Variants in CFAP74 observed in about 807,000 individuals in gnomAD.
The protein encoded by CFAP74 is cilia- and flagella-associated protein 74.
CFAP74 carries 124 observed loss-of-function variants against 188.9 expected under a neutral mutation model. The ratio of observed to expected loss-of-function variants is 0.66; its 90% CI spans 0.57 to 0.76. The LOEUF is 0.76. Among genes scored for constraint, CFAP74 ranks in the 30% least tolerant of loss-of-function variants. The pLI, the probability that CFAP74 is intolerant of heterozygous loss-of-function variation, is 0.00. For missense variants in CFAP74, 2,198 were observed against 2,165.2 expected (o/e 1.02, Z -0.30); for synonymous variants, 956 against 916.7 (o/e 1.04, Z -0.77).
rs368807816 is a variant in CFAP74, at chr1:1,922,648, C to T, written c.4759G>A (p.Val1587Met). 9.4e-6 allele frequency: 15 copies of T among 1,603,278 alleles called. No individual in the cohort carries two copies. Among genetic ancestry groups the T allele is most frequent in the East Asian group, 6.8e-5 (3 of 44,228 alleles). The change falls in exon 38 of 39, where the codon GTG becomes ATG. Residue 1587 changes from valine (V) to methionine (M), a missense_variant. Transcript: ENST00000682832. The stretch of plus-strand genomic sequence containing the variant: ...ATGGTCTTCGTCTGGCCGCGCTCCA[C>T]GGAGCCCCTGGAGGGCTCAATAGAG... Reference protein sequence around the residue: ...GFSIEPSRGSVERGQTKTISI... With the variant: ...GFSIEPSRGSMERGQTKTISI...
intron 1 of CFAP74, among the ~76,000 whole-genome samples, chr1:2,003,133 T>A (rs1052107551): frequency 6.6e-5 from 10 of 152,162 alleles, no homozygotes; most frequent in Non-Finnish European, 1.5e-4. Context: ...GATGTTCGAT[T>A]TATAACCAAT....
intron 18 of CFAP74, among the ~76,000 whole-genome samples, chr1:1,949,403 G>A (rs561841408): frequency 3.3e-5 from 5 of 152,110 alleles, no homozygotes; most frequent in Admixed American, 6.6e-5. Flanking sequence ...CAAGTGATCC[G>A]CTTGGCCTCC....
chr1:1,941,334 C>T (rs1446174969), intron 22 of CFAP74, among the ~76,000 whole-genome samples: 5 of 152,294 alleles, frequency 3.3e-5, no homozygotes, highest in South Asian at 2.1e-4. Context: ...ACCTTGGTCC[C>T]GGCCCGGATG....
chr1:1,972,860 A>G (rs1656185914), intron 8 of CFAP74, 77 bp downstream of exon 8: 2 of 952,808 alleles, frequency 2.1e-6, no homozygotes, highest in African/African-American at 3.3e-5. Flanking sequence ...AAATAATAAA[A>G]TCAGGGCATT....
rs879394559 is a variant in CFAP74, at chr1:1,930,206, G to C, written c.3142C>G (p.Leu1048Val). 17 of 1,535,620 alleles carry C rather than the reference G, an allele frequency of 1.1e-5. No homozygotes were observed. Among genetic ancestry groups the C allele is most frequent in the Non-Finnish European group, 1.5e-5 (17 of 1,146,752 alleles). Residue 1048 changes from leucine to valine, a missense_variant, in exon 26 of 39, where the codon CTG becomes GTG. Transcript: ENST00000682832. ...GAGTGGGTCGGTGAGCTCATGCTCA[G>C]GTGAGAGTTGATGACGTACACTGTA... ...VATVYVINSH[L>V]SMSSPTHSKP...
At position 1,955,285 on chromosome 1, in the gene CFAP74, C is replaced by T. The variant is rs753828884; in HGVS notation, c.2176+406G>A. The T allele has an allele frequency of 6.4e-5, 83 of 1,295,356 alleles. 2 individuals are homozygous for T. In the South Asian group the frequency reaches 1.0e-3, roughly 16 times the overall value. 80.2% of individuals were successfully genotyped at this position (1,295,356 alleles called of 1,614,324 possible). A position where few individuals can be genotyped will look rare whatever the true frequency, so the allele number is the denominator to read the frequency against. The stretch of plus-strand genomic sequence containing the variant: ...TGCAGGGCAGGAGGCATGGGGAGGG[C>T]AGGGCCCGCCCGTTTCTCGGCACCT... On this transcript the variant is annotated intron_variant, in intron 18 of 38. Coordinates refer to ENST00000682832, the MANE Select transcript of CFAP74 (RefSeq NM_001304360.2).
intron 18 of CFAP74, chr1:1,955,188 C>T: frequency 7.8e-7 from 1 of 1,287,852 alleles, no homozygotes; most frequent in South Asian, 1.2e-5. Flanking sequence ...GTTTCTGGAT[C>T]TCGATGCGTA....
At chr1:1,959,307 G>C in intron 15 of CFAP74, 98 bp from the exon 16 acceptor site, 4 of 795,052 alleles carry the variant, frequency 5.0e-6, no homozygotes, top group Non-Finnish European at 6.2e-6. Context: ...GCCAGGCTGG[G>C]GTGCAGTGGC....
rs371435003 is a variant in CFAP74 at position 1,942,114 on chromosome 1, C to T, written c.2529G>A (p.Glu843=). Residue 843 remains glutamate, a synonymous_variant, in exon 22 of 39, where the codon GAG becomes GAA. Transcript: ENST00000682832. The surrounding 1 kb of genome is among the most constrained non-coding windows in gnomAD (Gnocchi z 4.3). ...GCAGGAGCTCCAGGTGGGCCCTCAGCTCCTTGCACACCTCGAACTTCAGGC... is the reference window on the plus strand; with the variant it reads ...GCAGGAGCTCCAGGTGGGCCCTCAGTTCCTTGCACACCTCGAACTTCAGGC... ...ALRLKFEVCK[E]LRAHLELLPK... is the part of the protein sequence containing the mutation. 1.0e-5 allele frequency: 16 copies of T among 1,531,336 alleles called. No homozygotes were observed. The African/African-American group carries it at 2.2e-4, about 21-fold the overall frequency. The allele number at this position is 1,531,336 out of a possible 1,614,324, so 94.9% of individuals were successfully genotyped here. A position where few individuals can be genotyped will look rare whatever the true frequency, so the allele number is the denominator to read the frequency against.
intron 14 of CFAP74, among the ~76,000 whole-genome samples, chr1:1,962,359 C>T (rs887365167): frequency 3.3e-5 from 5 of 151,438 alleles, no homozygotes; most frequent in South Asian, 2.1e-4. Flanking sequence ...GCCTGTTATC[C>T]GAGCTACTCA....
chr1:1,962,624 C>T (rs982963029), intron 14 of CFAP74, among the ~76,000 whole-genome samples: 16 of 152,222 alleles, frequency 1.1e-4, no homozygotes, highest in African/African-American at 3.4e-4. Flanking sequence ...GGGGCTCACA[C>T]CTGTAATCCC....
At chr1:1,961,833 A>T (rs377355640) in intron 14 of CFAP74, among the ~76,000 whole-genome samples, 20 of 152,206 alleles carry the variant, frequency 1.3e-4, no homozygotes, top group Non-Finnish European at 2.9e-4. Flanking sequence ...CTGACCTAAA[A>T]TCAGCTCCCC....
intron 5 of CFAP74, among the ~76,000 whole-genome samples, 166 bp downstream of exon 5, chr1:1,986,771 C>A (rs1229271954): frequency 1.3e-5 from 2 of 152,244 alleles, no homozygotes; most frequent in Admixed American, 1.3e-4. Flanking sequence ...CAGGCCCCAG[C>A]AGTGCCGACC....
At chr1:1,971,177 AC>A (rs1445980129) in intron 9 of CFAP74, among the ~76,000 whole-genome samples, 1 of 151,418 alleles carries the variant, frequency 6.6e-6, no homozygotes, top group African/African-American at 2.4e-5. Context: ...GCACACCTGC[AC>A]ACACGTGCAC....
chr1:1,957,736 A>T (rs1025880063), intron 16 of CFAP74, among the ~76,000 whole-genome samples: 103 of 151,022 alleles, frequency 6.8e-4, no homozygotes, highest in African/African-American at 2.5e-3. Context: ...TCCCAGGCTG[A>T]GCAGGAGGGA....
intron 13 of CFAP74, among the ~76,000 whole-genome samples, chr1:1,964,423 C>T (rs1208938536): frequency 6.6e-6 from 1 of 152,248 alleles, no homozygotes; most frequent in Non-Finnish European, 1.5e-5. Context: ...CCTCTCCCTC[C>T]ACCTCCTGGA....
intron 23 of CFAP74, among the ~76,000 whole-genome samples, chr1:1,940,105 C>G (rs1488184533): frequency 1.3e-5 from 2 of 152,242 alleles, no homozygotes; most frequent in Non-Finnish European, 2.9e-5. Flanking sequence ...GGGACACAGC[C>G]CTGCTGGCCT....
chr1:1,929,684 G>A (rs921903550), intron 26 of CFAP74, among the ~76,000 whole-genome samples: 13 of 151,840 alleles, frequency 8.6e-5, no homozygotes, highest in Non-Finnish European at 1.8e-4. Context: ...GGGTGGGAGT[G>A]GCCGACACCT....
rs188619275 is a variant in CFAP74, at chr1:1,935,261, C to T, written c.3011+3594G>A. Among the ~76,000 whole-genome samples, 2 of 81,528 alleles carry T rather than the reference C, an allele frequency of 2.5e-5. 1 individual carries two copies. The highest frequency in any genetic ancestry group is 5.0e-5 in the Non-Finnish European group (2 of 39,824). 53.5% of individuals were successfully genotyped at this position (81,528 alleles called of 152,430 possible). On this transcript the variant is annotated intron_variant, in intron 25 of 38. Coordinates refer to ENST00000682832, the MANE Select transcript of CFAP74 (RefSeq NM_001304360.2). Reference sequence around the variant, plus strand: ...GTGGGTGTTAGGCTGTAAGTACACACGTGTGTATGTGGGTGTTAGGTTGTA... The same window carrying T: ...GTGGGTGTTAGGCTGTAAGTACACATGTGTGTATGTGGGTGTTAGGTTGTA...
Sources: gnomAD v4.1 joint callset for allele counts (sites outside exome capture counted in the v4.1 genomes callset) on GRCh38, gnomAD v4.1.1 for gene constraint, Gnocchi (gnomAD v3.1) non-coding constraint, MANE v1.5 for transcripts, NCBI Gene and HGNC (gene_info 2026-07-23, HGNC 2026-07-21) for gene names.